PRKAA2: variants seen among roughly 807,000 people sequenced by gnomAD.
PRKAA2 encodes protein kinase AMP-activated catalytic subunit alpha 2.
Under a neutral mutation model 56.3 loss-of-function variants are expected in PRKAA2, and 40 were observed. The observed-to-expected ratio is 0.71, with a 90% CI of 0.55 to 0.92. PRKAA2 has a LOEUF of 0.92. PRKAA2 is among the 40% of genes least tolerant of loss of function. The pLI, the probability that PRKAA2 is intolerant of heterozygous loss-of-function variation, is 0.00. For synonymous variants in PRKAA2, 214 were observed against 234.2 expected (o/e 0.91, Z 0.79); for missense variants, 542 against 686.9 (o/e 0.79, Z 2.36).
At chr1:56,693,658 A>G (rs541705586) in intron 4 of PRKAA2, 107 bp from the exon 5 acceptor site, 13 of 629,110 alleles carry the variant, frequency 2.1e-5, no homozygotes, top group Middle Eastern at 4.6e-4. Context: ...AACTTAAAAA[A>G]AAATGATATA....
intron 2 of PRKAA2, among the ~76,000 whole-genome samples, chr1:56,689,838 AT>A (rs762531061): frequency 1.3e-5 from 2 of 151,236 alleles, no homozygotes; most frequent in East Asian, 1.9e-4. Context: ...AATAAAGCTA[AT>A]TTTTTTTCTT....
chr1:56,708,681 G>A lies in PRKAA2; in HGVS notation c.*968G>A, dbSNP rs1644349405. 1 of 151,816 alleles carries A rather than the reference G, an allele frequency of 6.6e-6. No individual in the cohort carries two copies. The highest frequency in any genetic ancestry group is 1.5e-5 in the Non-Finnish European group (1 of 68,038). 9.4% of individuals were successfully genotyped at this position (151,816 alleles called of 1,614,324 possible). A position where few individuals can be genotyped will look rare whatever the true frequency, so the allele number is the denominator to read the frequency against. ...TCATAATGCTAATTCTTCATTGGAA[G>A]CCACTCCCTTCACCTCACCTCACCT... On this transcript the variant is annotated 3_prime_UTR_variant, in exon 9 of 9. Coordinates refer to ENST00000371244, the MANE Select transcript of PRKAA2 (RefSeq NM_006252.4).
chr1:56,691,025 G>A (rs903656098), intron 2 of PRKAA2, among the ~76,000 whole-genome samples: 2 of 152,158 alleles, frequency 1.3e-5, no homozygotes, highest in Non-Finnish European at 2.9e-5. Context: ...GGGATTACAG[G>A]CATGAGCCAT....
In PRKAA2 at chr1:56,645,470, G is replaced by T; in HGVS notation, c.83G>T (p.Gly28Val). 6.7e-7 allele frequency: 1 copy of T among 1,495,916 alleles called. No homozygotes were observed. The highest frequency in any genetic ancestry group is 9.0e-7 in the Non-Finnish European group (1 of 1,115,624). The allele number at this position is 1,495,916 out of a possible 1,614,324, so 92.7% of individuals were successfully genotyped here. ...LGDTLGVGTF[G>V]KVKIGEHQLT... Reference sequence around the variant, plus strand: ...GACACGCTGGGCGTCGGCACCTTCGGCAAAGTGAAGAGTTGAGTACGCGCT... The same window carrying T: ...GACACGCTGGGCGTCGGCACCTTCGTCAAAGTGAAGAGTTGAGTACGCGCT... Residue 28 changes from glycine to valine, a missense_variant, in exon 1 of 9, where the codon GGC (glycine) becomes GTC (valine). By Grantham distance (109) the Gly-to-Val change is moderately radical (BLOSUM62 -3). Coordinates refer to ENST00000371244, the MANE Select transcript of PRKAA2 (RefSeq NM_006252.4).
chr1:56,686,818 A>G (rs1027723513), intron 2 of PRKAA2, among the ~76,000 whole-genome samples: 8 of 152,140 alleles, frequency 5.3e-5, no homozygotes, highest in East Asian at 3.9e-4. Flanking sequence ...GGGGATGAAC[A>G]TACAAACCAT....
chr1:56,695,182 T>TTA (rs71852426), intron 5 of PRKAA2, among the ~76,000 whole-genome samples: 1,310 of 129,936 alleles, frequency 0.01, 9 homozygotes, highest in Non-Finnish European at 0.011. Context: ...ATATGATATA[T>TTA]TATATATATA....
At chr1:56,645,657 G>A (rs989807914) in intron 1 of PRKAA2, among the ~76,000 whole-genome samples, 176 bp downstream of exon 1, 2 of 151,950 alleles carry the variant, frequency 1.3e-5, no homozygotes, top group Non-Finnish European at 2.9e-5. Flanking sequence ...GCCTGGCACC[G>A]GCGCCCGGGC....
intron 4 of PRKAA2, among the ~76,000 whole-genome samples, chr1:56,693,541 A>C (rs1315850125): frequency 6.6e-6 from 1 of 152,080 alleles, no homozygotes; most frequent in Admixed American, 6.5e-5. Context: ...TTAGAAAGGA[A>C]ATTTAGTTTC....
rs940099458 is a variant in PRKAA2, at chr1:56,673,696, C to T, written c.95-685C>T. On this transcript the variant is annotated intron_variant, in intron 1 of 8. Coordinates refer to ENST00000371244, the MANE Select transcript of PRKAA2 (RefSeq NM_006252.4). ...ACCTCTGTGTACAAAGCACTGTGCG[C>T]ATATACTTCCTGAGAGATTCAGATG... Among the ~76,000 whole-genome samples, 4 of 152,208 alleles carry T rather than the reference C, an allele frequency of 2.6e-5. No individual in the cohort carries two copies. The South Asian group carries it at 6.2e-4, about 24-fold the overall frequency.
At chr1:56,674,726 G>A (rs533468304) in intron 2 of PRKAA2, among the ~76,000 whole-genome samples, 1 of 150,928 alleles carries the variant, frequency 6.6e-6, no homozygotes, top group East Asian at 1.9e-4. Flanking sequence ...TTCTAAATTA[G>A]TACTCAATTT....
intron 2 of PRKAA2, 61 bp downstream of exon 2, chr1:56,674,583 A>G: frequency 7.8e-7 from 1 of 1,286,426 alleles, no homozygotes; most frequent in Non-Finnish European, 1.0e-6. Flanking sequence ...TTTTTTAGGA[A>G]TTTTATAATA....
chr1:56,688,175 C>G (rs182934714), intron 2 of PRKAA2, among the ~76,000 whole-genome samples: 5 of 152,112 alleles, frequency 3.3e-5, no homozygotes, highest in African/African-American at 7.2e-5. Context: ...CTTTTTAAGA[C>G]GTCTTCCTTC....
At chr1:56,677,460 A>T (rs1644121152) in intron 2 of PRKAA2, among the ~76,000 whole-genome samples, 1 of 152,194 alleles carries the variant, frequency 6.6e-6, no homozygotes, top group Non-Finnish European at 1.5e-5. Flanking sequence ...GAAGGGAAAG[A>T]TCTTTCCATA....
At chr1:56,694,602 T>C (rs1206601323) in intron 5 of PRKAA2, among the ~76,000 whole-genome samples, 1 of 152,090 alleles carries the variant, frequency 6.6e-6, no homozygotes, top group East Asian at 1.9e-4. Context: ...GGTGAGGGTC[T>C]GCTTCCTAAT....
intron 2 of PRKAA2, among the ~76,000 whole-genome samples, chr1:56,690,237 C>T (rs1245716946): frequency 6.6e-6 from 1 of 150,916 alleles, no homozygotes; most frequent in Non-Finnish European, 1.5e-5. Context: ...GATCTTGGCT[C>T]ACCGCAAGCT....
intron 1 of PRKAA2, among the ~76,000 whole-genome samples, chr1:56,673,956 C>T (rs2796535): frequency 0.99 from 150,160 of 152,340 alleles, 74,006 homozygotes; most frequent in East Asian, 1. Context: ...ATAGTAATTA[C>T]TGTGAATTTT....
chr1:56,686,838 C>T (rs971174404), intron 2 of PRKAA2, among the ~76,000 whole-genome samples: 1 of 151,550 alleles, frequency 6.6e-6, no homozygotes, highest in Admixed American at 6.6e-5. Context: ...TATTAATGTT[C>T]ACAGCAGCAA....
At chr1:56,669,166 G>T (rs138384922) in intron 1 of PRKAA2, among the ~76,000 whole-genome samples, 3,432 of 152,174 alleles carry the variant, frequency 0.023, 123 homozygotes, top group Admixed American at 0.11. Context: ...TGCATTAAGA[G>T]TGCTGATTTT....
At chr1:56,693,875 CT>C (rs1644243208) in intron 5 of PRKAA2, 23 bp downstream of exon 5, 1 of 1,471,834 alleles carries the variant, frequency 6.8e-7, no homozygotes. Context: ...GAAGCATAAG[CT>C]TTTTGTAATC....
Sources: allele counts gnomAD v4.1 joint callset (sites outside exome capture counted in the v4.1 genomes callset), GRCh38; gene constraint gnomAD v4.1.1; transcripts MANE v1.5; gene names NCBI Gene and HGNC (gene_info 2026-07-23, HGNC 2026-07-21).